The following EXD3 variants were observed in gnomAD, a reference collection of about 807,000 sequenced individuals.
EXD3 encodes the protein exonuclease mut-7 homolog.
EXD3 carries 92 observed loss-of-function variants against 98.0 expected under a neutral mutation model. The observed-to-expected ratio is 0.94, with a 90% CI of 0.79 to 1.12. The LOEUF (loss-of-function observed/expected upper bound fraction) is 1.12, where lower values mean the gene tolerates loss of function less well. EXD3 is among the 50% of genes most tolerant of loss of function. The pLI is 0.00. For missense variants in EXD3, 1,222 were observed against 1,191.6 expected (o/e 1.03, Z -0.38); for synonymous variants, 569 against 526.0 (o/e 1.08, Z -1.12).
chr9:137,409,200 G>A (rs1286800439), intron 1 of EXD3, among the ~76,000 whole-genome samples: 1 of 152,066 alleles, frequency 6.6e-6, no homozygotes, highest in Non-Finnish European at 1.5e-5. Flanking sequence ...AGGAGGAGAG[G>A]CCTGAGGCCT....
intron 17 of EXD3, among the ~76,000 whole-genome samples, chr9:137,344,241 T>C (rs1833810056): frequency 6.6e-6 from 1 of 152,046 alleles, no homozygotes; most frequent in African/African-American, 2.4e-5. Flanking sequence ...CTAAATCTAA[T>C]AATGTAGAGA....
intron 17 of EXD3, among the ~76,000 whole-genome samples, chr9:137,343,953 A>G (rs1271844499): frequency 1.9e-4 from 20 of 102,976 alleles, no homozygotes; most frequent in East Asian, 3.1e-4. Context: ...GTGCAGTGGC[A>G]CGATCTCGGC....
chr9:137,339,496 C>CA (rs57029740), intron 17 of EXD3, among the ~76,000 whole-genome samples: 9,257 of 92,282 alleles, frequency 0.1, 591 homozygotes, highest in African/African-American at 0.17. Flanking sequence ...GACGCCACTT[C>CA]AAAAAAAAAA....
chr9:137,412,570 G>A (rs1011986049), intron 1 of EXD3, among the ~76,000 whole-genome samples: 1 of 152,100 alleles, frequency 6.6e-6, no homozygotes, highest in Non-Finnish European at 1.5e-5. Flanking sequence ...CATTCCACAT[G>A]GGACAGGGTG....
At chr9:137,328,277 A>G (rs1832599568) in intron 17 of EXD3, among the ~76,000 whole-genome samples, 1 of 151,532 alleles carries the variant, frequency 6.6e-6, no homozygotes. Flanking sequence ...AAACACCCAC[A>G]TGATGAGTAA....
chr9:137,312,129 G>A (rs1357786195), intron 19 of EXD3, among the ~76,000 whole-genome samples: 2 of 152,182 alleles, frequency 1.3e-5, no homozygotes, highest in Non-Finnish European at 2.9e-5. Context: ...GGGTGCCGTC[G>A]GGTCTGGGCA....
intron 7 of EXD3, among the ~76,000 whole-genome samples, chr9:137,358,076 A>G (rs1834882525): frequency 6.6e-6 from 1 of 152,100 alleles, no homozygotes; most frequent in Admixed American, 6.6e-5. Flanking sequence ...CAACACCCTC[A>G]CAGACACACC....
chr9:137,413,296 G>C (rs1466111035), intron 1 of EXD3, among the ~76,000 whole-genome samples: 1 of 151,816 alleles, frequency 6.6e-6, no homozygotes, highest in Non-Finnish European at 1.5e-5. Context: ...CGCCTCCCGG[G>C]TTCACGCCAT....
intron 21 of EXD3, 54 bp from the exon 22 acceptor site, chr9:137,307,317 A>G (rs924500113): frequency 1.4e-6 from 2 of 1,444,450 alleles, no homozygotes; most frequent in Non-Finnish European, 9.1e-7. Context: ...CACGGCCCCC[A>G]GGCTGCTCCC....
At chr9:137,342,470 T>C (rs1219339456) in intron 17 of EXD3, among the ~76,000 whole-genome samples, 1 of 152,176 alleles carries the variant, frequency 6.6e-6, no homozygotes, top group Non-Finnish European at 1.5e-5. Flanking sequence ...TCTGCATAAG[T>C]TGTAATGACA....
intron 16 of EXD3, 37 bp from the exon 17 acceptor site, chr9:137,348,275 C>A: frequency 6.3e-7 from 1 of 1,586,832 alleles, no homozygotes. Context: ...CCACGGTCAC[C>A]CCCCAGCCCC....
Position 137,354,127 on chromosome 9 carries a change from C to G in EXD3, c.870+212G>C, listed in dbSNP as rs1834473190. On this transcript the variant is annotated intron_variant, in intron 10 of 21. Coordinates refer to ENST00000340951, the MANE Select transcript of EXD3 (RefSeq NM_017820.5). ...CTGCCTGGAACGAGGCCCAGTCAGGCTCTACTGATGCCCTCGGCTCCCGCT... is the reference window on the plus strand; with the variant it reads ...CTGCCTGGAACGAGGCCCAGTCAGGGTCTACTGATGCCCTCGGCTCCCGCT... 3.6e-6 allele frequency: 5 copies of G among 1,405,158 alleles called. No homozygotes were observed. In the South Asian group the frequency reaches 6.4e-5, roughly 18 times the overall value. 87.0% of individuals were successfully genotyped at this position (1,405,158 alleles called of 1,614,324 possible).
chr9:137,392,849 CA>C, intron 2 of EXD3: 1 of 425,928 alleles, frequency 2.3e-6, no homozygotes, highest in Non-Finnish European at 4.4e-6. Context: ...ATTAGTGTTC[CA>C]GGGGGCACCG....
chr9:137,378,692 C>T (rs1282805276), intron 3 of EXD3, among the ~76,000 whole-genome samples: 7 of 152,228 alleles, frequency 4.6e-5, no homozygotes, highest in Admixed American at 1.3e-4. Flanking sequence ...CTGACACAGA[C>T]ATCCACATAG....
chr9:137,348,141 C>A lies in EXD3; in HGVS notation c.1928G>T (p.Arg643Leu), dbSNP rs376214483. 70 of 1,612,148 alleles carry A rather than the reference C, an allele frequency of 4.3e-5. No homozygotes were observed. Among genetic ancestry groups the A allele is most frequent in the Non-Finnish European group, 5.6e-5 (66 of 1,179,722 alleles). Reference sequence around the variant, plus strand: ...ATCCACACCGAGACAGCGGAGGCTCCGTGCCAGCCCCTGCAGCATGTTGTC... The same window carrying A: ...ATCCACACCGAGACAGCGGAGGCTCAGTGCCAGCCCCTGCAGCATGTTGTC... ...VCDNMLQGLARSLRCLGVDAR... is the reference protein window; with the variant it reads ...VCDNMLQGLALSLRCLGVDAR... The change falls in exon 17 of 22, where the codon CGG becomes CTG. Residue 643 changes from arginine to leucine, a missense_variant. Physicochemically the swap from Arg to Leu is moderately radical, Grantham distance 102. Coordinates refer to ENST00000340951, the MANE Select transcript of EXD3 (RefSeq NM_017820.5).
intron 6 of EXD3, among the ~76,000 whole-genome samples, chr9:137,367,404 C>T (rs1835318495): frequency 6.6e-6 from 1 of 152,156 alleles, no homozygotes; most frequent in Admixed American, 6.5e-5. Flanking sequence ...CCGAGGGGTG[C>T]TCACTCCCCC....
At chr9:137,344,399 A>G (rs1237766715) in intron 17 of EXD3, among the ~76,000 whole-genome samples, 1 of 152,170 alleles carries the variant, frequency 6.6e-6, no homozygotes, top group Non-Finnish European at 1.5e-5. Context: ...TACTATCAAG[A>G]ACTGGCTTCC....
At position 137,348,267 on chromosome 9, in the gene EXD3, A is replaced by G. The variant is rs987342933; in HGVS notation, c.1831-29T>C. ...CAGTGAGGCCCTGGTCAGCAGTCCC[A>G]CGGTCACCCCCCAGCCCCTCACAGC... On this transcript the variant is annotated intron_variant, in intron 16 of 21. Transcript: ENST00000340951. 3.1e-6 allele frequency: 5 copies of G among 1,601,668 alleles called. No homozygotes were observed. The African/African-American group carries it at 6.7e-5, about 21-fold the overall frequency.
intron 1 of EXD3, among the ~76,000 whole-genome samples, chr9:137,416,769 G>C (rs1187317866): frequency 2.6e-5 from 4 of 152,118 alleles, no homozygotes; most frequent in Non-Finnish European, 5.9e-5. Context: ...ACCAAGGGTC[G>C]GTAGGCCGTC....
Sources: gnomAD v4.1 joint callset for allele counts (sites outside exome capture counted in the v4.1 genomes callset) on GRCh38, gnomAD v4.1.1 for gene constraint, MANE v1.5 for transcripts, NCBI Gene and HGNC (gene_info 2026-07-23, HGNC 2026-07-21) for gene names.